SLC22A23: variants seen among roughly 807,000 people sequenced by gnomAD.
SLC22A23 encodes ion transporter protein.
In SLC22A23, 26 loss-of-function variants were observed where a neutral mutation model predicts 61.0. The ratio of observed to expected loss-of-function variants is 0.43; its 90% CI spans 0.31 to 0.59. SLC22A23 has a LOEUF of 0.59. Among genes scored for constraint, SLC22A23 ranks in the 20% least tolerant of loss-of-function variants. SLC22A23 has a pLI of 0.11. For missense variants in SLC22A23, 796 were observed against 934.7 expected (o/e 0.85, Z 1.94); for synonymous variants, 430 against 413.9 (o/e 1.04, Z -0.47).
In SLC22A23 at chr6:3,424,269, C is replaced by T. The variant is rs566892835; in HGVS notation, c.655-8414G>A. ...TGGCCCATGTTGCTCTTCTGTGCCCCACTCCCACAACACCCTCATTCTCCC... is the reference window on the plus strand; with the variant it reads ...TGGCCCATGTTGCTCTTCTGTGCCCTACTCCCACAACACCCTCATTCTCCC... On this transcript the variant is annotated intron_variant, in intron 1 of 9. Coordinates refer to ENST00000406686, the MANE Select transcript of SLC22A23 (RefSeq NM_015482.2). Among the ~76,000 whole-genome samples, 6 of 152,300 alleles carry T rather than the reference C, an allele frequency of 3.9e-5. No homozygotes were observed. In the South Asian group the frequency reaches 6.2e-4, roughly 16 times the overall value.
At chr6:3,422,579 C>G (rs1264687553) in intron 1 of SLC22A23, among the ~76,000 whole-genome samples, 1 of 152,040 alleles carries the variant, frequency 6.6e-6, no homozygotes, top group Non-Finnish European at 1.5e-5. Flanking sequence ...TACTTTTTGC[C>G]TCTAAGCTCA....
chr6:3,363,102 C>A (rs921192413), intron 3 of SLC22A23, among the ~76,000 whole-genome samples: 1 of 152,186 alleles, frequency 6.6e-6, no homozygotes, highest in African/African-American at 2.4e-5. Context: ...GCTCTCCGCT[C>A]AGCTGGGACA....
rs757311460 is a variant in SLC22A23 at position 3,270,506 on chromosome 6, G to GCCT, written c.*2546_*2548dup. 1 of 152,340 alleles carries GCCT rather than the reference G, an allele frequency of 6.6e-6. No homozygotes were observed. The allele number at this position is 152,340 out of a possible 1,614,324, so 9.4% of individuals were successfully genotyped here. On this transcript the variant is annotated 3_prime_UTR_variant, in exon 10 of 10. Transcript: ENST00000406686. ...GAAGCTGCCACCAAACAGGCACCCG[G>GCCT]CCTCCTCCTCCTCAGGCTGCCCTGG...
intron 1 of SLC22A23, among the ~76,000 whole-genome samples, chr6:3,442,140 C>A (rs1206964863): frequency 6.6e-6 from 1 of 152,150 alleles, no homozygotes; most frequent in Non-Finnish European, 1.5e-5. Context: ...CATGGATGAG[C>A]CTTGAAGACA....
At chr6:3,341,651 G>A (rs1296906032) in intron 3 of SLC22A23, among the ~76,000 whole-genome samples, 3 of 152,170 alleles carry the variant, frequency 2.0e-5, no homozygotes, top group Non-Finnish European at 4.4e-5. Context: ...TGTTCAGCCA[G>A]CACTTCTGAT....
rs935798319 is a variant in SLC22A23, at chr6:3,372,087, G to A, written c.913+38101C>T. 6.6e-6 allele frequency among the ~76,000 whole-genome samples: 1 copy of A among 152,190 alleles called. No individual in the cohort carries two copies. The highest frequency in any genetic ancestry group is 1.5e-5 in the Non-Finnish European group (1 of 68,044). ...AACTGAGGAACAGTTCCTAGCCCAT[G>A]CTTAAACAGCTAGAAGCATCCGTGC... On this transcript the variant is annotated intron_variant, in intron 3 of 9. Coordinates refer to ENST00000406686, the MANE Select transcript of SLC22A23 (RefSeq NM_015482.2). The surrounding 1 kb of genome is among the most constrained non-coding windows in gnomAD (Gnocchi z 4.7).
At position 3,286,403 on chromosome 6, in the gene SLC22A23, T is replaced by G. The variant is rs2127319613; in HGVS notation, c.1546+456A>C. 6.6e-6 allele frequency among the ~76,000 whole-genome samples: 1 copy of G among 152,326 alleles called. No homozygotes were observed. The highest frequency in any genetic ancestry group is 2.1e-4 in the South Asian group (1 of 4,828). ...GCGTGAGCCACCGCACCCGGCCAGATTATTTTTAACCTTTACTGAGAAATT... is the reference window on the plus strand; with the variant it reads ...GCGTGAGCCACCGCACCCGGCCAGAGTATTTTTAACCTTTACTGAGAAATT... On this transcript the variant is annotated intron_variant, in intron 7 of 9. Coordinates refer to ENST00000406686, the MANE Select transcript of SLC22A23 (RefSeq NM_015482.2). The surrounding 1 kb of genome is among the most constrained non-coding windows in gnomAD (Gnocchi z 4.2).
chr6:3,331,068 G>T (rs962186935), intron 3 of SLC22A23, among the ~76,000 whole-genome samples: 1 of 152,196 alleles, frequency 6.6e-6, no homozygotes, highest in Non-Finnish European at 1.5e-5. Flanking sequence ...CACAATGACT[G>T]TATTATGTAG....
chr6:3,332,135 A>G (rs1763616243), intron 3 of SLC22A23, among the ~76,000 whole-genome samples: 1 of 152,162 alleles, frequency 6.6e-6, no homozygotes, highest in Non-Finnish European at 1.5e-5. Context: ...CGAGCCCTAA[A>G]TTACTTCAAG....
chr6:3,289,956 G>C (rs767667014), intron 5 of SLC22A23, 90 bp from the exon 6 acceptor site: 3 of 979,162 alleles, frequency 3.1e-6, no homozygotes, highest in Non-Finnish European at 4.8e-6. Context: ...TCCCCAGTTC[G>C]GGTACCACAG....
intron 4 of SLC22A23, among the ~76,000 whole-genome samples, chr6:3,307,388 G>T (rs1173833545): frequency 6.6e-6 from 1 of 152,200 alleles, no homozygotes; most frequent in African/African-American, 2.4e-5. Flanking sequence ...CTTCAGGATG[G>T]TTAGAAGGTC....
intron 3 of SLC22A23, among the ~76,000 whole-genome samples, chr6:3,393,763 A>G (rs1767818693): frequency 6.6e-6 from 1 of 152,254 alleles, no homozygotes; most frequent in Non-Finnish European, 1.5e-5. Context: ...AGCGGTCTGC[A>G]TAGCTTCTCA....
At chr6:3,447,498 C>T (rs1561989830) in intron 1 of SLC22A23, among the ~76,000 whole-genome samples, 1 of 152,024 alleles carries the variant, frequency 6.6e-6, no homozygotes, top group Non-Finnish European at 1.5e-5. Flanking sequence ...TTTCACATAT[C>T]ATTGTATCCC....
At chr6:3,326,450 G>C (rs929407677) in intron 3 of SLC22A23, among the ~76,000 whole-genome samples, 1 of 152,028 alleles carries the variant, frequency 6.6e-6, no homozygotes, top group Non-Finnish European at 1.5e-5. Flanking sequence ...GAGCTCCCCA[G>C]ACAACTCCTT....
intron 4 of SLC22A23, chr6:3,313,466 G>C (rs898244034): frequency 6.6e-6 from 1 of 152,060 alleles, no homozygotes; most frequent in Non-Finnish European, 1.5e-5. Flanking sequence ...TTTTCATGAC[G>C]CACCTCTTCC....
intron 4 of SLC22A23, among the ~76,000 whole-genome samples, chr6:3,306,107 A>G (rs1761955578): frequency 6.6e-6 from 1 of 152,172 alleles, no homozygotes; most frequent in South Asian, 2.1e-4. Flanking sequence ...GGTGGAGGGC[A>G]AGGGGAGCTG....
chr6:3,326,086 T>C (rs1763263893), intron 3 of SLC22A23, among the ~76,000 whole-genome samples: 1 of 152,262 alleles, frequency 6.6e-6, no homozygotes, highest in Non-Finnish European at 1.5e-5. Flanking sequence ...CAAGGGATCA[T>C]GAGGCCACTT....
At position 3,309,502 on chromosome 6, in the gene SLC22A23, G is replaced by A. The variant is rs1044885433; in HGVS notation, c.1083-11284C>T. ...CTGGGCAGAGGCCTCAGAGCAGGGTGGCACCTGACCGTAATAAGGACTGTG... is the reference window on the plus strand; with the variant it reads ...CTGGGCAGAGGCCTCAGAGCAGGGTAGCACCTGACCGTAATAAGGACTGTG... On this transcript the variant is annotated intron_variant, in intron 4 of 9. Transcript: ENST00000406686. The surrounding 1 kb of genome is among the most constrained non-coding windows in gnomAD (Gnocchi z 4.7). Among the ~76,000 whole-genome samples the A allele has an allele frequency of 2.6e-5, 4 of 152,186 alleles. No homozygotes were observed. The highest frequency in any genetic ancestry group is 9.7e-5 in the African/African-American group (4 of 41,430).
intron 9 of SLC22A23, among the ~76,000 whole-genome samples, chr6:3,278,013 C>A (rs1318784761): frequency 6.6e-6 from 1 of 152,204 alleles, no homozygotes; most frequent in Non-Finnish European, 1.5e-5. Context: ...AAACAGCCTA[C>A]CAGTGCCTGA....
Sources: gnomAD v4.1 joint callset for allele counts (sites outside exome capture counted in the v4.1 genomes callset) on GRCh38, gnomAD v4.1.1 for gene constraint, Gnocchi (gnomAD v3.1) non-coding constraint, MANE v1.5 for transcripts, NCBI Gene and HGNC (gene_info 2026-07-23, HGNC 2026-07-21) for gene names.